Variants in TRIM44 observed in about 807,000 individuals in gnomAD.
The protein encoded by TRIM44 is tripartite motif-containing protein 44.
A neutral mutation model predicts 37.4 loss-of-function variants in TRIM44; 13 were observed. That is an observed-to-expected ratio of 0.35 (90% CI 0.23 to 0.55). The LOEUF is 0.55. Ranked by LOEUF, TRIM44 falls within the 20% of genes least tolerant of loss-of-function variation. The probability of loss-of-function intolerance (pLI) is 0.89; values close to 1 mark genes in which losing one functional copy is unlikely to be tolerated. For missense variants in TRIM44, 426 were observed against 437.2 expected, an observed-to-expected ratio of 0.97 and a Z score of 0.23; for synonymous variants, 175 against 157.2, an observed-to-expected ratio of 1.11 and a Z score of -0.85.
chr11:35,738,654 T>C (rs1464198497), intron 4 of TRIM44, among the ~76,000 whole-genome samples: 1 of 152,226 alleles, frequency 6.6e-6, no homozygotes, highest in Non-Finnish European at 1.5e-5. Context: ...ATTTTTCTCA[T>C]TTATGATACA....
At chr11:35,681,825 A>G (rs1851523423) in intron 1 of TRIM44, among the ~76,000 whole-genome samples, 1 of 152,084 alleles carries the variant, frequency 6.6e-6, no homozygotes. Flanking sequence ...CTTTTGACTA[A>G]TGGCTGTCCT....
At chr11:35,744,991 T>G (rs1298819531) in intron 4 of TRIM44, among the ~76,000 whole-genome samples, 1 of 152,236 alleles carries the variant, frequency 6.6e-6, no homozygotes, top group African/African-American at 2.4e-5. Context: ...TTGGGTTGAT[T>G]CCATGTCTTT....
intron 2 of TRIM44, among the ~76,000 whole-genome samples, chr11:35,720,848 A>G (rs1028785492): frequency 3.3e-5 from 5 of 151,568 alleles, no homozygotes; most frequent in Non-Finnish European, 4.4e-5. Flanking sequence ...TGATTTTTCA[A>G]ATGTTGAACC....
chr11:35,689,598 A>C (rs1033006346), intron 2 of TRIM44, among the ~76,000 whole-genome samples: 3 of 152,174 alleles, frequency 2.0e-5, no homozygotes, highest in Non-Finnish European at 4.4e-5. Context: ...CATTTATGGT[A>C]GGCTTTAGGG....
At chr11:35,792,837 T>G (rs1024075536) in intron 4 of TRIM44, among the ~76,000 whole-genome samples, 3 of 152,224 alleles carry the variant, frequency 2.0e-5, no homozygotes, top group African/African-American at 7.2e-5. Context: ...CCTGCATCAC[T>G]GGTTCCCTGA....
intron 2 of TRIM44, among the ~76,000 whole-genome samples, chr11:35,695,290 C>G (rs933610307): frequency 1.7e-4 from 26 of 152,078 alleles, no homozygotes; most frequent in African/African-American, 6.3e-4. Flanking sequence ...CTCTTGAATA[C>G]CAGTAGTTTC....
intron 4 of TRIM44, among the ~76,000 whole-genome samples, chr11:35,775,499 G>A (rs148691337): frequency 0.047 from 7,092 of 152,208 alleles, 555 homozygotes; most frequent in African/African-American, 0.16. Context: ...AGAACTTCCA[G>A]CACTATGTTG....
At chr11:35,705,650 T>A (rs1361445504) in intron 2 of TRIM44, among the ~76,000 whole-genome samples, 5 of 148,848 alleles carry the variant, frequency 3.4e-5, no homozygotes, top group South Asian at 4.4e-4. Flanking sequence ...AACAACCTGC[T>A]CCTGAATGAC....
At chr11:35,729,958 C>T (rs1229115185) in intron 3 of TRIM44, among the ~76,000 whole-genome samples, 2 of 152,138 alleles carry the variant, frequency 1.3e-5, no homozygotes, top group Non-Finnish European at 2.9e-5. Flanking sequence ...GTATGGGTGA[C>T]AGTGCAAGAC....
At chr11:35,775,854 C>T (rs1852949963) in intron 4 of TRIM44, among the ~76,000 whole-genome samples, 1 of 152,148 alleles carries the variant, frequency 6.6e-6, no homozygotes, top group Non-Finnish European at 1.5e-5. Context: ...TTTTGATGTG[C>T]TGCTGGATTC....
intron 3 of TRIM44, among the ~76,000 whole-genome samples, chr11:35,734,916 T>G (rs1475976753): frequency 1.3e-5 from 2 of 152,232 alleles, no homozygotes; most frequent in Non-Finnish European, 2.9e-5. Context: ...TAACAGAGCT[T>G]GGACTAGAAT....
chr11:35,691,214 A>G (rs1201399987), intron 2 of TRIM44, among the ~76,000 whole-genome samples: 1 of 152,234 alleles, frequency 6.6e-6, no homozygotes, highest in Non-Finnish European at 1.5e-5. Flanking sequence ...AGTGAAGGAC[A>G]CTAAATGGGA....
In TRIM44 at chr11:35,677,204, T is replaced by C. The variant is rs181987895; in HGVS notation, c.670-8055T>C. 2.0e-5 allele frequency among the ~76,000 whole-genome samples: 3 copies of C among 152,294 alleles called. No individual in the cohort carries two copies. The East Asian group carries it at 5.8e-4, about 29-fold the overall frequency. On this transcript the variant is annotated intron_variant, in intron 1 of 4. Transcript: ENST00000299413. ...GGATTTGAATCCAGGCCTGACAAAG[T>C]ACATATTCTTTCCACCATTCCATTT...
At chr11:35,758,052 C>T (rs1852671005) in intron 4 of TRIM44, among the ~76,000 whole-genome samples, 3 of 152,230 alleles carry the variant, frequency 2.0e-5, no homozygotes, top group South Asian at 4.1e-4. Flanking sequence ...CCTGGGTATG[C>T]TTGCTAACTT....
At chr11:35,753,206 G>A (rs181038419) in intron 4 of TRIM44, among the ~76,000 whole-genome samples, 2 of 152,286 alleles carry the variant, frequency 1.3e-5, no homozygotes, top group East Asian at 1.9e-4. Flanking sequence ...ATACAATTGG[G>A]GGGGGAGTTA....
intron 3 of TRIM44, among the ~76,000 whole-genome samples, chr11:35,727,737 A>G (rs1292581971): frequency 6.6e-6 from 1 of 152,208 alleles, no homozygotes; most frequent in Non-Finnish European, 1.5e-5. Flanking sequence ...TCAGTAGAAA[A>G]TAGAGCCAGG....
intron 2 of TRIM44, among the ~76,000 whole-genome samples, chr11:35,719,252 TA>T (rs1852073148): frequency 6.6e-6 from 1 of 152,170 alleles, no homozygotes; most frequent in African/African-American, 2.4e-5. Context: ...TTGATCTTGT[TA>T]ATGTTTTGAC....
intron 2 of TRIM44, among the ~76,000 whole-genome samples, chr11:35,719,714 A>G (rs1038994201): frequency 6.6e-5 from 10 of 152,182 alleles, no homozygotes; most frequent in African/African-American, 2.2e-4. Context: ...TCTTGAATAA[A>G]TTTTGGTGAA....
intron 4 of TRIM44, among the ~76,000 whole-genome samples, chr11:35,746,485 G>A (rs1317519499): frequency 9.2e-6 from 1 of 108,852 alleles, no homozygotes; most frequent in Admixed American, 1.3e-4. Flanking sequence ...CTATGTCACT[G>A]AACTGCAGTT....
Sources: gnomAD v4.1 joint callset for allele counts (sites outside exome capture counted in the v4.1 genomes callset) on GRCh38, gnomAD v4.1.1 for gene constraint, MANE v1.5 for transcripts, NCBI Gene and HGNC (gene_info 2026-07-23, HGNC 2026-07-21) for gene names.